Variants in ABHD13 observed in about 807,000 individuals in gnomAD.
The protein encoded by ABHD13 is protein ABHD13.
ABHD13 carries 7 observed loss-of-function variants against 25.2 expected under a neutral mutation model. The observed-to-expected ratio is 0.28, with a 90% CI of 0.16 to 0.52. ABHD13 has a LOEUF of 0.52. Among genes scored for constraint, ABHD13 ranks in the 20% least tolerant of loss-of-function variants. The probability of loss-of-function intolerance (pLI) is 0.96; values close to 1 mark genes in which losing one functional copy is unlikely to be tolerated. For missense variants in ABHD13, 302 were observed against 402.7 expected (o/e 0.75, Z 2.14); for synonymous variants, 133 against 136.1 (o/e 0.98, Z 0.16).
At chr13:108,223,968 G>T (rs889292686) in intron 1 of ABHD13, among the ~76,000 whole-genome samples, 1 of 152,182 alleles carries the variant, frequency 6.6e-6, no homozygotes, top group African/African-American at 2.4e-5. Flanking sequence ...GCTGTTTGAT[G>T]GAAAGTAATA....
At chr13:108,219,825 A>G (rs1879513725) in intron 1 of ABHD13, among the ~76,000 whole-genome samples, 1 of 152,196 alleles carries the variant, frequency 6.6e-6, no homozygotes, top group Non-Finnish European at 1.5e-5. Flanking sequence ...GTCCAAGGAA[A>G]GCTTTCTAGA....
chr13:108,229,530 A>T lies in ABHD13; in HGVS notation c.312A>T (p.Ile104=), dbSNP rs1879747733. 1 of 1,613,376 alleles carries T rather than the reference A, an allele frequency of 6.2e-7. No individual in the cohort carries two copies. Among genetic ancestry groups the T allele is most frequent in the African/African-American group, 1.3e-5 (1 of 74,890 alleles). ...GAATACGTCTGAATCTTATTTTGAT[A>T]CGATACACTGGAGACAATTCACCCT... The part of the protein sequence containing the change: ...KDGIRLNLIL[I]RYTGDNSPYS... Residue 104 remains isoleucine, a synonymous_variant, in exon 2 of 2, where the codon ATA becomes ATT. Transcript: ENST00000375898. The surrounding 1 kb of genome is among the most constrained non-coding windows in gnomAD (Gnocchi z 4.7).
rs1291211693 is a variant in ABHD13, at chr13:108,233,452, A to G, written c.*3220A>G. On this transcript the variant is annotated 3_prime_UTR_variant, in exon 2 of 2. Transcript: ENST00000375898. ...AAGGATGTCACAGAAGTCACTTTTT[A>G]ATTAAGTCATGATTGAGATACTGAA... 6.0e-6 allele frequency: 1 copy of G among 166,830 alleles called. No homozygotes were observed. Among genetic ancestry groups the G allele is most frequent in the East Asian group, 1.9e-4 (1 of 5,182 alleles). 10.3% of individuals were successfully genotyped at this position (166,830 alleles called of 1,614,324 possible). A position where few individuals can be genotyped will look rare whatever the true frequency, so the allele number is the denominator to read the frequency against.
chr13:108,229,468 A>G lies in ABHD13; in HGVS notation c.250A>G (p.Ile84Val). ...TCTTTATGTTCCCATGCCCACTGGC[A>G]TTCCACATGAAAACATTTTCATCAG... ...SRLYVPMPTG[I>V]PHENIFIRTK... Residue 84 changes from isoleucine (I) to valine (V), a missense_variant, in exon 2 of 2, where the codon ATT becomes GTT. Physicochemically the swap from Ile to Val is conservative, Grantham distance 29. Transcript: ENST00000375898. The surrounding 1 kb of genome is among the most constrained non-coding windows in gnomAD (Gnocchi z 4.7). 6.2e-7 allele frequency: 1 copy of G among 1,613,586 alleles called. No homozygotes were observed. Among genetic ancestry groups the G allele is most frequent in the Admixed American group, 1.7e-5 (1 of 59,956 alleles).
At chr13:108,223,032 A>G (rs1391979059) in intron 1 of ABHD13, among the ~76,000 whole-genome samples, 1 of 152,268 alleles carries the variant, frequency 6.6e-6, no homozygotes, top group Non-Finnish European at 1.5e-5. Flanking sequence ...ATATTGTGCC[A>G]TCTGAAACCT....
At chr13:108,228,741 T>G (rs11619378) in intron 1 of ABHD13, among the ~76,000 whole-genome samples, 25,185 of 151,678 alleles carry the variant, frequency 0.17, 2,354 homozygotes, top group African/African-American at 0.24. Flanking sequence ...CAGTTTGCCC[T>G]GGACATACGT....
intron 1 of ABHD13, among the ~76,000 whole-genome samples, chr13:108,228,491 A>G (rs1879719450): frequency 6.6e-6 from 1 of 151,996 alleles, no homozygotes; most frequent in East Asian, 1.9e-4. Flanking sequence ...TTTTCTTAAA[A>G]CTAATACAAT....
chr13:108,218,439 A>T lies in ABHD13; in HGVS notation c.-241A>T, dbSNP rs547156514. ...CGGGAGCGGAGACGGAGAACAGGTT[A>T]TGTGGGAGCCGGCGGGGGCATTTGC... On this transcript the variant is annotated 5_prime_UTR_variant, in exon 1 of 2. The change abolishes an upstream ATG in the 5' untranslated region. Coordinates refer to ENST00000375898, the MANE Select transcript of ABHD13 (RefSeq NM_032859.3). The T allele has an allele frequency of 6.6e-6, 1 of 151,954 alleles. No individual in the cohort carries two copies. The allele number at this position is 151,954 out of a possible 1,614,324, so 9.4% of individuals were successfully genotyped here.
Position 108,230,356 on chromosome 13 carries a change from A to G in ABHD13, c.*124A>G. On this transcript the variant is annotated 3_prime_UTR_variant, in exon 2 of 2. Coordinates refer to ENST00000375898, the MANE Select transcript of ABHD13 (RefSeq NM_032859.3). Reference sequence around the variant, plus strand: ...TGACATTAAACTTTGAAAGGACTTCACTGCTCCTTTACGATATTCCAAATA... The same window carrying G: ...TGACATTAAACTTTGAAAGGACTTCGCTGCTCCTTTACGATATTCCAAATA... 1.3e-6 allele frequency: 1 copy of G among 781,932 alleles called. No homozygotes were observed. The highest frequency in any genetic ancestry group is 2.0e-6 in the Non-Finnish European group (1 of 503,390). The allele number at this position is 781,932 out of a possible 1,614,324, so 48.4% of individuals were successfully genotyped here.
rs371754273 is a variant in ABHD13, at chr13:108,229,700, G to C, written c.482G>C (p.Ser161Thr). ...TATGGAAAAAGTGAAGGAGAAGCAA[G>C]TGAAGAAGGACTCTACTTAGATTCT... is the stretch of plus-strand genomic sequence containing the variant. Reference protein sequence around the residue: ...RGYGKSEGEASEEGLYLDSEA... With the variant: ...RGYGKSEGEATEEGLYLDSEA... Residue 161 changes from serine to threonine, a missense_variant, in exon 2 of 2, where the codon AGT becomes ACT. Transcript: ENST00000375898. The surrounding 1 kb of genome is among the most constrained non-coding windows in gnomAD (Gnocchi z 4.7). The C allele has an allele frequency of 2.5e-6, 4 of 1,613,232 alleles. No individual in the cohort carries two copies. In the African/African-American group the frequency reaches 4.0e-5, roughly 16 times the overall value.
intron 1 of ABHD13, among the ~76,000 whole-genome samples, chr13:108,219,704 C>G (rs568778036): frequency 1.3e-5 from 2 of 152,126 alleles, no homozygotes; most frequent in Non-Finnish European, 2.9e-5. Flanking sequence ...TCTCTGTCAT[C>G]GAGGAACTCA....
At chr13:108,224,109 A>G (rs528295680) in intron 1 of ABHD13, among the ~76,000 whole-genome samples, 5 of 152,378 alleles carry the variant, frequency 3.3e-5, no homozygotes, top group African/African-American at 9.6e-5. Context: ...AAGGAAAGAT[A>G]CAGCTAAGGT....
chr13:108,221,447 C>G (rs1490266515), intron 1 of ABHD13, among the ~76,000 whole-genome samples: 1 of 152,184 alleles, frequency 6.6e-6, no homozygotes. Flanking sequence ...AGCTGTGATT[C>G]ACCCAGAGTA....
chr13:108,220,593 A>C (rs1159711012), intron 1 of ABHD13, among the ~76,000 whole-genome samples: 1 of 152,178 alleles, frequency 6.6e-6, no homozygotes, highest in Admixed American at 6.5e-5. Flanking sequence ...TTTTTCCTCA[A>C]ATGACAGATT....
At chr13:108,226,897 A>G (rs763276972) in intron 1 of ABHD13, among the ~76,000 whole-genome samples, 59 of 152,132 alleles carry the variant, frequency 3.9e-4, no homozygotes, top group Non-Finnish European at 1.9e-4. Context: ...GGGTTAGGTA[A>G]AAATAAGGCA....
Position 108,230,092 on chromosome 13 carries a change from A to G in ABHD13, c.874A>G (p.Ile292Val). 1 of 1,613,132 alleles carries G rather than the reference A, an allele frequency of 6.2e-7. No individual in the cohort carries two copies. Among genetic ancestry groups the G allele is most frequent in the Non-Finnish European group, 8.5e-7 (1 of 1,179,342 alleles). ...LSPSRTKRLA[I>V]FPDGTHNDTW... ...CCCATCTCGGACTAAGAGATTAGCC[A>G]TTTTTCCAGATGGGACTCACAATGA... Residue 292 changes from isoleucine to valine, a missense_variant, in exon 2 of 2, where the codon ATT becomes GTT. Physicochemically the swap from Ile to Val is conservative, Grantham distance 29 (BLOSUM62 3). Transcript: ENST00000375898.
At position 108,230,915 on chromosome 13, in the gene ABHD13, A is replaced by G. The variant is rs1879790145; in HGVS notation, c.*683A>G. 1 of 166,834 alleles carries G rather than the reference A, an allele frequency of 6.0e-6. No individual in the cohort carries two copies. The highest frequency in any genetic ancestry group is 2.1e-4 in the South Asian group (1 of 4,832). The allele number at this position is 166,834 out of a possible 1,614,324, so 10.3% of individuals were successfully genotyped here. ...AAATGGGACCCTGTTTTCCAATACA[A>G]ATGTACCGTGTTTTTGTTAGGTACA... is the stretch of plus-strand genomic sequence containing the variant. On this transcript the variant is annotated 3_prime_UTR_variant, in exon 2 of 2. Coordinates refer to ENST00000375898, the MANE Select transcript of ABHD13 (RefSeq NM_032859.3).
At chr13:108,223,924 C>T (rs369585640) in intron 1 of ABHD13, among the ~76,000 whole-genome samples, 57 of 152,252 alleles carry the variant, frequency 3.7e-4, no homozygotes, top group African/African-American at 1.1e-3. Flanking sequence ...TGTGAATAAT[C>T]GTGCTAAATG....
At position 108,230,360 on chromosome 13, in the gene ABHD13, C is replaced by T. The variant is rs555678537; in HGVS notation, c.*128C>T. The T allele has an allele frequency of 2.0e-5, 15 of 745,474 alleles. No individual in the cohort carries two copies. The highest frequency in any genetic ancestry group is 1.9e-5 in the Non-Finnish European group (9 of 472,392). The allele number at this position is 745,474 out of a possible 1,614,324, so 46.2% of individuals were successfully genotyped here. A position where few individuals can be genotyped will look rare whatever the true frequency, so the allele number is the denominator to read the frequency against. ...ATTAAACTTTGAAAGGACTTCACTG[C>T]TCCTTTACGATATTCCAAATAGTTT... On this transcript the variant is annotated 3_prime_UTR_variant, in exon 2 of 2. Coordinates refer to ENST00000375898, the MANE Select transcript of ABHD13 (RefSeq NM_032859.3).
Sources: allele counts gnomAD v4.1 joint callset (sites outside exome capture counted in the v4.1 genomes callset), GRCh38; gene constraint gnomAD v4.1.1; non-coding constraint Gnocchi (gnomAD v3.1); transcripts MANE v1.5; gene names NCBI Gene and HGNC (gene_info 2026-07-23, HGNC 2026-07-21).